BBS9: variants seen among roughly 807,000 people sequenced by gnomAD.
BBS9 encodes the protein Bardet-Biedl syndrome 9.
In BBS9, 89 loss-of-function variants were observed where a neutral mutation model predicts 117.7. That is an observed-to-expected ratio of 0.76 (90% CI 0.64 to 0.90). BBS9 has a LOEUF of 0.90. Among genes scored for constraint, BBS9 ranks in the 40% least tolerant of loss-of-function variants. The pLI, the probability that BBS9 is intolerant of heterozygous loss-of-function variation, is 0.00. For missense variants in BBS9, 982 were observed against 1,042.2 expected, an observed-to-expected ratio of 0.94 and a Z score of 0.80; for synonymous variants, 379 against 370.9, an observed-to-expected ratio of 1.02 and a Z score of -0.25.
chr7:33,358,217 A>G (rs1429851821), intron 16 of BBS9, among the ~76,000 whole-genome samples: 2 of 151,854 alleles, frequency 1.3e-5, no homozygotes, highest in Admixed American at 6.6e-5. Flanking sequence ...AATTATCATA[A>G]TAATTATTTT....
chr7:33,538,069 G>C (rs1851738457), intron 21 of BBS9, among the ~76,000 whole-genome samples: 1 of 152,168 alleles, frequency 6.6e-6, no homozygotes, highest in Non-Finnish European at 1.5e-5. Flanking sequence ...GCAAGGAAAA[G>C]GGGTGTAAAG....
intron 2 of BBS9, among the ~76,000 whole-genome samples, chr7:33,148,867 T>G (rs1792844419): frequency 6.6e-6 from 1 of 151,318 alleles, no homozygotes; most frequent in Non-Finnish European, 1.5e-5. Flanking sequence ...CAAGTGATCC[T>G]CCTGCCTTGG....
At chr7:33,232,655 T>G (rs1792705283) in intron 5 of BBS9, among the ~76,000 whole-genome samples, 1 of 152,168 alleles carries the variant, frequency 6.6e-6, no homozygotes, top group African/African-American at 2.4e-5. Context: ...TATGAATGAA[T>G]TATCCATTTG....
At chr7:33,334,574 T>C (rs975077416) in intron 9 of BBS9, among the ~76,000 whole-genome samples, 1 of 152,108 alleles carries the variant, frequency 6.6e-6, no homozygotes, top group Non-Finnish European at 1.5e-5. Context: ...CCATGGCCAC[T>C]AGATGGCTTC....
chr7:33,577,547 A>G (rs1368954381), intron 21 of BBS9, among the ~76,000 whole-genome samples: 1 of 152,230 alleles, frequency 6.6e-6, no homozygotes, highest in East Asian at 1.9e-4. Flanking sequence ...CGATCCCATT[A>G]CTGGGTATAT....
chr7:33,401,609 C>T (rs1828931710), intron 19 of BBS9, among the ~76,000 whole-genome samples: 1 of 152,132 alleles, frequency 6.6e-6, no homozygotes, highest in African/African-American at 2.4e-5. Flanking sequence ...TTCTAATTGG[C>T]AATTGGTTGA....
chr7:33,312,330 A>G (rs1299549036), intron 9 of BBS9, among the ~76,000 whole-genome samples: 2 of 152,242 alleles, frequency 1.3e-5, no homozygotes, highest in Admixed American at 6.5e-5. Context: ...GGAAATGAAT[A>G]TACTTCTGTA....
At chr7:33,528,894 A>T (rs1850113693) in intron 20 of BBS9, among the ~76,000 whole-genome samples, 1 of 152,228 alleles carries the variant, frequency 6.6e-6, no homozygotes, top group Non-Finnish European at 1.5e-5. Context: ...ATACCCTAGG[A>T]AATTAACTTT....
At chr7:33,505,353 A>G (rs1271082504) in intron 19 of BBS9, 110 bp from the exon 20 acceptor site, 1 of 1,034,770 alleles carries the variant, frequency 9.7e-7, no homozygotes, top group Non-Finnish European at 1.5e-6. Flanking sequence ...TTTGTGGAAG[A>G]CAAAGTTCAT....
intron 5 of BBS9, among the ~76,000 whole-genome samples, chr7:33,221,551 A>G (rs1790248333): frequency 6.6e-6 from 1 of 152,222 alleles, no homozygotes; most frequent in African/African-American, 2.4e-5. Context: ...GTCCTTGATT[A>G]GAACAATTCC....
At chr7:33,571,907 T>A (rs2598403) in intron 21 of BBS9, among the ~76,000 whole-genome samples, 1 of 151,926 alleles carries the variant, frequency 6.6e-6, no homozygotes, top group African/African-American at 2.4e-5. Flanking sequence ...CATCAGTCAC[T>A]TCAAATATTT....
chr7:33,482,889 C>A (rs1842673374), intron 19 of BBS9, among the ~76,000 whole-genome samples: 1 of 151,996 alleles, frequency 6.6e-6, no homozygotes, highest in Admixed American at 6.6e-5. Flanking sequence ...GAATCATTTT[C>A]CATTTACTAT....
intron 9 of BBS9, among the ~76,000 whole-genome samples, chr7:33,328,956 A>T (rs957126150): frequency 6.6e-6 from 1 of 151,492 alleles, no homozygotes; most frequent in Non-Finnish European, 1.5e-5. Flanking sequence ...GGAAAATAGA[A>T]CTTTTTTTTT....
At chr7:33,617,252 T>C (rs984280333) in intron 21 of BBS9, among the ~76,000 whole-genome samples, 6 of 152,012 alleles carry the variant, frequency 3.9e-5, no homozygotes, top group African/African-American at 7.2e-5. Flanking sequence ...TCATTTTAAA[T>C]ATAAAGACAC....
In BBS9 at chr7:33,455,523, C is replaced by T. The variant is rs191597688; in HGVS notation, c.2116-49940C>T. On this transcript the variant is annotated intron_variant, in intron 19 of 22. Coordinates refer to ENST00000242067, the MANE Select transcript of BBS9 (RefSeq NM_198428.3). ...TTTTTGTTTTTCGTTTTTCCTATTT[C>T]AAAATATTGCCTTCATGTCCCACTA... Among the ~76,000 whole-genome samples, 10 of 152,246 alleles carry T rather than the reference C, an allele frequency of 6.6e-5. No homozygotes were observed. In the East Asian group the frequency reaches 1.7e-3, roughly 26 times the overall value.
chr7:33,266,200 C>T (rs1212938349), intron 7 of BBS9, among the ~76,000 whole-genome samples: 1 of 152,138 alleles, frequency 6.6e-6, no homozygotes, highest in Non-Finnish European at 1.5e-5. Context: ...AGTGGTTTTT[C>T]CATTCGATTA....
intron 9 of BBS9, among the ~76,000 whole-genome samples, chr7:33,319,319 A>G (rs1204857771): frequency 6.6e-6 from 1 of 152,120 alleles, no homozygotes; most frequent in Non-Finnish European, 1.5e-5. Context: ...GGCTGGTTCC[A>G]TATTTTTGTA....
At chr7:33,394,860 A>G (rs560185061) in intron 19 of BBS9, among the ~76,000 whole-genome samples, 4 of 152,188 alleles carry the variant, frequency 2.6e-5, no homozygotes, top group Non-Finnish European at 5.9e-5. Context: ...ACTTAGAATC[A>G]TCATGTGAGG....
At chr7:33,346,734 A>G (rs1399051212) in intron 12 of BBS9, among the ~76,000 whole-genome samples, 3 of 152,090 alleles carry the variant, frequency 2.0e-5, no homozygotes, top group Admixed American at 6.6e-5. Flanking sequence ...CCAAATGCAA[A>G]CCCTTCTTGT....
Sources: gnomAD v4.1 joint callset for allele counts (sites outside exome capture counted in the v4.1 genomes callset) on GRCh38, gnomAD v4.1.1 for gene constraint, MANE v1.5 for transcripts, NCBI Gene and HGNC (gene_info 2026-07-23, HGNC 2026-07-21) for gene names.